The following PKD2 variants were observed in gnomAD, a reference collection of about 807,000 sequenced individuals.
PKD2 encodes the protein polycystin-2.
Under a neutral mutation model 105.9 loss-of-function variants are expected in PKD2, and 48 were observed. The observed-to-expected ratio is 0.45, with a 90% CI of 0.36 to 0.58. PKD2 has a LOEUF of 0.58. PKD2 is among the 20% of genes least tolerant of loss of function. PKD2 has a pLI of 0.00. For synonymous variants in PKD2, 464 were observed against 481.1 expected, an observed-to-expected ratio of 0.96 and a Z score of 0.46; for missense variants, 1,078 against 1,255.3, an observed-to-expected ratio of 0.86 and a Z score of 2.13.
At chr4:88,014,660 A>G (rs932111352) in intron 1 of PKD2, among the ~76,000 whole-genome samples, 3 of 152,226 alleles carry the variant, frequency 2.0e-5, no homozygotes, top group Non-Finnish European at 4.4e-5. Context: ...CAAGACTCAC[A>G]TGTATCTTAG....
At position 88,038,431 on chromosome 4, in the gene PKD2, A is replaced by G; in HGVS notation, c.1024A>G (p.Lys342Glu). The G allele has an allele frequency of 1.9e-6, 3 of 1,613,542 alleles. No individual in the cohort carries two copies. The highest frequency in any genetic ancestry group is 2.5e-6 in the Non-Finnish European group (3 of 1,179,456). The change falls in exon 4 of 15, where the codon AAA becomes GAA. Residue 342 changes from lysine (K) to glutamate (E), a missense_variant. Lys to Glu is a moderately conservative substitution (Grantham distance 56, BLOSUM62 1). Around this residue, in one of 2 missense-constraint regions of PKD2, gnomAD observed 868 missense variants for 1,067.3 expected, o/e 0.81. Coordinates refer to ENST00000237596, the MANE Select transcript of PKD2 (RefSeq NM_000297.4). ...CCCCCAGGACTTGAGAGATGAAATT[A>G]AAGAGTGCTATGATGTCTACTCTGT... The part of the protein sequence containing the change: ...SIPQDLRDEI[K>E]ECYDVYSVSS...
chr4:88,056,003 T>A (rs1320494231), intron 7 of PKD2, 83 bp from the exon 8 acceptor site: 6 of 928,582 alleles, frequency 6.5e-6, no homozygotes, highest in Non-Finnish European at 8.8e-6. Context: ...TAATTTCTTT[T>A]CAGGATGAAA....
chr4:88,019,731 T>C (rs1352704885), intron 2 of PKD2, among the ~76,000 whole-genome samples, 160 bp downstream of exon 2: 1 of 152,224 alleles, frequency 6.6e-6, no homozygotes, highest in African/African-American at 2.4e-5. Context: ...GGCATTTGTT[T>C]ATTGACTATC....
At chr4:88,038,607 A>G in intron 4 of PKD2, 106 bp downstream of exon 4, 1 of 1,185,994 alleles carries the variant, frequency 8.4e-7, no homozygotes, top group Non-Finnish European at 1.3e-6. Flanking sequence ...AGGCAAAAAT[A>G]AGTTCAGTGA....
At chr4:88,045,348 A>C (rs113700580) in intron 5 of PKD2, among the ~76,000 whole-genome samples, 2 of 152,196 alleles carry the variant, frequency 1.3e-5, no homozygotes, top group African/African-American at 4.8e-5. Flanking sequence ...CTAACACATC[A>C]AATAGGAAAG....
chr4:88,023,674 T>G (rs1726847369), intron 2 of PKD2, among the ~76,000 whole-genome samples: 1 of 152,226 alleles, frequency 6.6e-6, no homozygotes, highest in South Asian at 2.1e-4. Flanking sequence ...GTTTCCTCAC[T>G]GGTAAAACAA....
intron 2 of PKD2, among the ~76,000 whole-genome samples, chr4:88,022,793 A>G (rs983664174): frequency 2.6e-5 from 4 of 152,190 alleles, no homozygotes; most frequent in Non-Finnish European, 5.9e-5. Context: ...TTATAAAAAA[A>G]GAGGTTTGGC....
chr4:88,030,759 G>A (rs1022325609), intron 2 of PKD2, among the ~76,000 whole-genome samples: 6 of 152,194 alleles, frequency 3.9e-5, no homozygotes, highest in Non-Finnish European at 5.9e-5. Context: ...TGCGTTCACC[G>A]CCCTTGCAGG....
chr4:88,022,109 C>G (rs967157116), intron 2 of PKD2, among the ~76,000 whole-genome samples: 12 of 152,208 alleles, frequency 7.9e-5, no homozygotes, highest in African/African-American at 2.9e-4. Context: ...TCCTTAGTCT[C>G]TTCACCAAAA....
intron 8 of PKD2, among the ~76,000 whole-genome samples, chr4:88,056,987 TTTTTG>T (rs1013773672): frequency 6.6e-6 from 1 of 151,866 alleles, no homozygotes; most frequent in African/African-American, 2.4e-5. Context: ...GTTTTGTTTT[TTTTTG>T]TTTTGTTTTG....
chr4:88,063,627 A>T (rs1720667641), intron 10 of PKD2, among the ~76,000 whole-genome samples: 1 of 152,238 alleles, frequency 6.6e-6, no homozygotes, highest in South Asian at 2.1e-4. Flanking sequence ...AAACAGAGTA[A>T]TGGATTTATA....
At chr4:88,019,926 C>T (rs554892242) in intron 2 of PKD2, among the ~76,000 whole-genome samples, 6 of 152,262 alleles carry the variant, frequency 3.9e-5, no homozygotes, top group East Asian at 3.9e-4. Flanking sequence ...TAACACAGGA[C>T]GGGAGAGGCA....
intron 10 of PKD2, among the ~76,000 whole-genome samples, chr4:88,064,916 CA>C (rs1225810377): frequency 6.6e-6 from 1 of 151,436 alleles, no homozygotes; most frequent in Non-Finnish European, 1.5e-5. Flanking sequence ...TCCTCATCTA[CA>C]TTTCACTGGG....
intron 2 of PKD2, among the ~76,000 whole-genome samples, chr4:88,031,548 A>G (rs1305293080): frequency 1.3e-5 from 2 of 152,202 alleles, no homozygotes; most frequent in South Asian, 2.1e-4. Context: ...CTGTCTTTAT[A>G]TATCTAGTAC....
Position 88,065,761 on chromosome 4 carries a change from G to A in PKD2, c.2241-1G>A. ...TATCTGTATCCTCTCTCTAATTTCA[G>A]GAAGGGCCATACTGATGCAGAGATT... On this transcript the variant is annotated splice_acceptor_variant, in intron 11 of 14. Coordinates refer to ENST00000237596, the MANE Select transcript of PKD2 (RefSeq NM_000297.4). LOFTEE classifies it high-confidence loss of function. 1 of 1,598,296 alleles carries A rather than the reference G, an allele frequency of 6.3e-7. No homozygotes were observed. Among genetic ancestry groups the A allele is most frequent in the Non-Finnish European group, 8.6e-7 (1 of 1,165,632 alleles).
intron 1 of PKD2, among the ~76,000 whole-genome samples, chr4:88,015,014 C>G (rs1312115701): frequency 6.6e-6 from 1 of 152,180 alleles, no homozygotes; most frequent in African/African-American, 2.4e-5. Context: ...TCATTTGACT[C>G]CAGAGCCCTA....
chr4:88,077,307 T>G lies in PKD2; in HGVS notation c.*1613T>G, dbSNP rs1484914597. The G allele has an allele frequency of 6.5e-6, 1 of 152,682 alleles. No individual in the cohort carries two copies. Among genetic ancestry groups the G allele is most frequent in the African/African-American group, 2.4e-5 (1 of 41,470 alleles). 9.5% of individuals were successfully genotyped at this position (152,682 alleles called of 1,614,324 possible). ...GTAAGTTTTTCCTCATGGCTTCATCTCTATCTTTACTTTCTCTTGAATATG... is the reference window on the plus strand; with the variant it reads ...GTAAGTTTTTCCTCATGGCTTCATCGCTATCTTTACTTTCTCTTGAATATG... On this transcript the variant is annotated 3_prime_UTR_variant, in exon 15 of 15. Coordinates refer to ENST00000237596, the MANE Select transcript of PKD2 (RefSeq NM_000297.4).
At position 88,007,723 on chromosome 4, in the gene PKD2, C is replaced by A; in HGVS notation, c.-11C>A. The A allele has an allele frequency of 8.3e-7, 1 of 1,198,000 alleles. No homozygotes were observed. The highest frequency in any genetic ancestry group is 2.2e-5 in the South Asian group (1 of 44,524). The allele number at this position is 1,198,000 out of a possible 1,614,324, so 74.2% of individuals were successfully genotyped here. A position where few individuals can be genotyped will look rare whatever the true frequency, so the allele number is the denominator to read the frequency against. On this transcript the variant is annotated 5_prime_UTR_variant, in exon 1 of 15. Coordinates refer to ENST00000237596, the MANE Select transcript of PKD2 (RefSeq NM_000297.4). The stretch of plus-strand genomic sequence containing the variant: ...CGCCGCGCACCCGCGCGCCGGACGC[C>A]AGTGACCGCGATGGTGAACTCCAGT...
At chr4:88,040,508 A>G (rs776873952) in intron 4 of PKD2, among the ~76,000 whole-genome samples, 3 of 151,918 alleles carry the variant, frequency 2.0e-5, no homozygotes, top group Non-Finnish European at 4.4e-5. Flanking sequence ...TTCTCAAGTC[A>G]CTCCCATTTC....
Sources: allele counts gnomAD v4.1 joint callset (sites outside exome capture counted in the v4.1 genomes callset), GRCh38; gene constraint gnomAD v4.1.1; regional missense constraint gnomAD v4.1.1; transcripts MANE v1.5; gene names NCBI Gene and HGNC (gene_info 2026-07-23, HGNC 2026-07-21).